The following GALNT10 variants were observed in gnomAD, a reference collection of about 807,000 sequenced individuals.
The protein encoded by GALNT10 is polypeptide N-acetylgalactosaminyltransferase 10, also known as GalNAc transferase 10.
A neutral mutation model predicts 75.0 loss-of-function variants in GALNT10; 41 were observed. That is an observed-to-expected ratio of 0.55 (90% CI 0.43 to 0.71). The LOEUF (loss-of-function observed/expected upper bound fraction) is 0.71. GALNT10 is among the 30% of genes least tolerant of loss of function. The pLI is 0.00. For missense variants in GALNT10, 727 were observed against 818.5 expected, an observed-to-expected ratio of 0.89 and a Z score of 1.36; for synonymous variants, 302 against 313.0, an observed-to-expected ratio of 0.96 and a Z score of 0.37.
intron 3 of GALNT10, among the ~76,000 whole-genome samples, chr5:154,311,735 C>T (rs1328044210): frequency 2.0e-5 from 3 of 151,924 alleles, no homozygotes; most frequent in Non-Finnish European, 4.4e-5. Flanking sequence ...CTCAGCCTCT[C>T]GAGTAGCTGG....
At chr5:154,301,987 T>C (rs1754369852) in intron 3 of GALNT10, among the ~76,000 whole-genome samples, 1 of 152,228 alleles carries the variant, frequency 6.6e-6, no homozygotes, top group South Asian at 2.1e-4. Flanking sequence ...CCCCCCTTTT[T>C]TGGAGTCACC....
At chr5:154,225,308 C>T (rs1466670885) in intron 1 of GALNT10, among the ~76,000 whole-genome samples, 1 of 151,040 alleles carries the variant, frequency 6.6e-6, no homozygotes. Flanking sequence ...TAGCCAGAAT[C>T]GTCTCGATCT....
chr5:154,393,712 G>C (rs570914362), intron 7 of GALNT10, among the ~76,000 whole-genome samples: 2 of 152,004 alleles, frequency 1.3e-5, no homozygotes, highest in East Asian at 3.9e-4. Context: ...GGTGTGCTGC[G>C]TGCCTGTAGT....
chr5:154,380,365 A>G (rs1755714553), intron 5 of GALNT10, 83 bp from the exon 6 acceptor site: 2 of 1,087,370 alleles, frequency 1.8e-6, no homozygotes, highest in Non-Finnish European at 2.7e-6. Flanking sequence ...TGTTAAAAAT[A>G]CAAGTAAGCT....
chr5:154,208,340 C>G (rs1775141586), intron 1 of GALNT10, among the ~76,000 whole-genome samples: 1 of 152,156 alleles, frequency 6.6e-6, no homozygotes, highest in African/African-American at 2.4e-5. Context: ...TTAGCCTTCA[C>G]GCTGGCTTCC....
chr5:154,280,805 A>G lies in GALNT10; in HGVS notation c.160-14011A>G, dbSNP rs1754029451. Among the ~76,000 whole-genome samples the G allele has an allele frequency of 2.0e-5, 3 of 152,190 alleles. No individual in the cohort carries two copies. In the South Asian group the frequency reaches 6.2e-4, roughly 32 times the overall value. On this transcript the variant is annotated intron_variant, in intron 1 of 11. Coordinates refer to ENST00000297107, the MANE Select transcript of GALNT10 (RefSeq NM_198321.4). The stretch of plus-strand genomic sequence containing the variant: ...GATCTATTTCAAGTTTATATCATGT[A>G]GGGTGTGAGGAAGTGTGAGGTGTAT...
chr5:154,383,446 G>T (rs1438846630), intron 6 of GALNT10, among the ~76,000 whole-genome samples: 2 of 152,222 alleles, frequency 1.3e-5, no homozygotes, highest in Non-Finnish European at 2.9e-5. Flanking sequence ...AGCTTTGTGA[G>T]AGCTGGAGAT....
intron 4 of GALNT10, among the ~76,000 whole-genome samples, chr5:154,369,512 C>G (rs778741691): frequency 6.6e-6 from 1 of 152,224 alleles, no homozygotes; most frequent in South Asian, 2.1e-4. Flanking sequence ...GAGGGCCCAC[C>G]TCATCTTAAC....
chr5:154,306,156 C>CA (rs1754429789), intron 3 of GALNT10, among the ~76,000 whole-genome samples: 1 of 152,154 alleles, frequency 6.6e-6, no homozygotes, highest in Non-Finnish European at 1.5e-5. Flanking sequence ...TAGACTCTCA[C>CA]AGCACTGTCA....
At chr5:154,242,425 C>T (rs1753351628) in intron 1 of GALNT10, among the ~76,000 whole-genome samples, 1 of 152,168 alleles carries the variant, frequency 6.6e-6, no homozygotes, top group Non-Finnish European at 1.5e-5. Context: ...CCCTTTGCAG[C>T]ACTGTTGTGT....
intron 4 of GALNT10, among the ~76,000 whole-genome samples, chr5:154,368,366 C>A (rs1755511060): frequency 6.6e-6 from 1 of 151,998 alleles, no homozygotes; most frequent in Non-Finnish European, 1.5e-5. Flanking sequence ...TTCAATGGTG[C>A]AAGAAATGGC....
rs141878280 is a variant in GALNT10, at chr5:154,376,969, A to T, written c.754+507A>T. ...TAAGATTCTGAGATACTGAAGACTCACTTGTCCCCTTGAGCCATAAGTGTC... is the reference window on the plus strand; with the variant it reads ...TAAGATTCTGAGATACTGAAGACTCTCTTGTCCCCTTGAGCCATAAGTGTC... On this transcript the variant is annotated intron_variant, in intron 5 of 11. Coordinates refer to ENST00000297107, the MANE Select transcript of GALNT10 (RefSeq NM_198321.4). This position sits in a 1 kb window ranked among gnomAD's most constrained non-coding sequence, Gnocchi z 4.1. Among the ~76,000 whole-genome samples, 10 of 152,368 alleles carry T rather than the reference A, an allele frequency of 6.6e-5. No individual in the cohort carries two copies. Among genetic ancestry groups the T allele is most frequent in the Admixed American group, 2.0e-4 (3 of 15,310 alleles).
At chr5:154,341,106 G>T (rs530511673) in intron 4 of GALNT10, among the ~76,000 whole-genome samples, 6 of 152,180 alleles carry the variant, frequency 3.9e-5, no homozygotes, top group African/African-American at 1.2e-4. Flanking sequence ...AAATAGACAC[G>T]TGTTAAGGCC....
At chr5:154,380,888 G>A (rs1022025283) in intron 6 of GALNT10, among the ~76,000 whole-genome samples, 1 of 152,222 alleles carries the variant, frequency 6.6e-6, no homozygotes, top group Non-Finnish European at 1.5e-5. Context: ...TGTCAGCAGG[G>A]GTGAGTGGGT....
chr5:154,246,210 G>C (rs1561639564), intron 1 of GALNT10, among the ~76,000 whole-genome samples: 2 of 152,026 alleles, frequency 1.3e-5, no homozygotes, highest in African/African-American at 4.8e-5. Flanking sequence ...GTCTATCATT[G>C]TTGGACATTT....
intron 10 of GALNT10, among the ~76,000 whole-genome samples, chr5:154,415,168 G>A (rs1756479346): frequency 6.6e-6 from 1 of 152,088 alleles, no homozygotes; most frequent in Non-Finnish European, 1.5e-5. Context: ...TTGAACTGTG[G>A]ATATTTGATG....
chr5:154,250,707 A>G (rs1212115621), intron 1 of GALNT10, among the ~76,000 whole-genome samples: 1 of 152,176 alleles, frequency 6.6e-6, no homozygotes. Context: ...CTAGGTGTCA[A>G]TCCTTGTTGA....
chr5:154,316,319 C>T (rs1754593079), intron 3 of GALNT10, among the ~76,000 whole-genome samples: 1 of 152,244 alleles, frequency 6.6e-6, no homozygotes, highest in African/African-American at 2.4e-5. Flanking sequence ...CCAGGTCCAC[C>T]TCCCAGCTGG....
At chr5:154,254,069 G>C (rs1753570412) in intron 1 of GALNT10, among the ~76,000 whole-genome samples, 2 of 152,072 alleles carry the variant, frequency 1.3e-5, no homozygotes, top group Non-Finnish European at 2.9e-5. Flanking sequence ...AATGTTGGCT[G>C]TTTTTTTGTT....
Sources: gnomAD v4.1 joint callset for allele counts (sites outside exome capture counted in the v4.1 genomes callset) on GRCh38, gnomAD v4.1.1 for gene constraint, Gnocchi (gnomAD v3.1) non-coding constraint, MANE v1.5 for transcripts, NCBI Gene and HGNC (gene_info 2026-07-23, HGNC 2026-07-21) for gene names.